The following MFSD6 variants were observed in gnomAD, a reference collection of about 807,000 sequenced individuals.
MFSD6 encodes major facilitator superfamily domain containing 6, also known as major facilitator superfamily domain-containing protein 6.
A neutral mutation model predicts 56.3 loss-of-function variants in MFSD6; 26 were observed. The ratio of observed to expected loss-of-function variants is 0.46; its 90% CI spans 0.34 to 0.64. The LOEUF (loss-of-function observed/expected upper bound fraction) is 0.64, where lower values mean the gene tolerates loss of function less well. Ranked by LOEUF, MFSD6 falls within the 30% of genes least tolerant of loss-of-function variation. The pLI, the probability that MFSD6 is intolerant of heterozygous loss-of-function variation, is 0.01. For synonymous variants in MFSD6, 331 were observed against 366.9 expected (o/e 0.90, Z 1.12); for missense variants, 750 against 986.2 (o/e 0.76, Z 3.21).
At chr2:190,446,029 G>A (rs979438131) in intron 3 of MFSD6, among the ~76,000 whole-genome samples, 3 of 151,942 alleles carry the variant, frequency 2.0e-5, no homozygotes, top group Admixed American at 6.6e-5. Context: ...TCAATCAAAG[G>A]GCATGAATTT....
rs958651914 is a variant in MFSD6, at chr2:190,499,446, G to T, written c.2173-569G>T. On this transcript the variant is annotated intron_variant, in intron 7 of 7. Coordinates refer to ENST00000392328, the MANE Select transcript of MFSD6 (RefSeq NM_017694.4). The surrounding 1 kb of genome is among the most constrained non-coding windows in gnomAD (Gnocchi z 6.0). ...TGGTTATTTACAGTTGGTTACACAA[G>T]TGCTTGTTTACATTCACTTCTTTAT... is the stretch of plus-strand genomic sequence containing the variant. 1.3e-5 allele frequency among the ~76,000 whole-genome samples: 2 copies of T among 152,184 alleles called. No homozygotes were observed. Among genetic ancestry groups the T allele is most frequent in the Non-Finnish European group, 2.9e-5 (2 of 68,036 alleles).
At chr2:190,442,050 A>G (rs1686399045) in intron 3 of MFSD6, among the ~76,000 whole-genome samples, 1 of 152,212 alleles carries the variant, frequency 6.6e-6, no homozygotes, top group African/African-American at 2.4e-5. Flanking sequence ...ATTGATTAAA[A>G]AGCAAAAAGA....
In MFSD6 at chr2:190,416,726, G is replaced by C. The variant is rs1690790187; in HGVS notation, c.-54+1313G>C. ...CAGCAACACCAAATGTTCATATGTT[G>C]CTTTTAGATTAACAGAATGCTTTCT... On this transcript the variant is annotated intron_variant, in intron 2 of 7. Transcript: ENST00000392328. The surrounding 1 kb of genome is among the most constrained non-coding windows in gnomAD (Gnocchi z 4.1). Among the ~76,000 whole-genome samples, 1 of 152,146 alleles carries C rather than the reference G, an allele frequency of 6.6e-6. No homozygotes were observed.
rs560825299 is a variant in MFSD6, at chr2:190,418,541, A to G, written c.-54+3128A>G. ...GAGGCTGAGGCAAATGGATCACTTG[A>G]GCCCAGGAGTTCAAGACCAGCCTGG... On this transcript the variant is annotated intron_variant, in intron 2 of 7. Transcript: ENST00000392328. This position sits in a 1 kb window ranked among gnomAD's most constrained non-coding sequence, Gnocchi z 4.1. 2.0e-5 allele frequency among the ~76,000 whole-genome samples: 3 copies of G among 152,252 alleles called. No individual in the cohort carries two copies. The highest frequency in any genetic ancestry group is 7.2e-5 in the African/African-American group (3 of 41,542).
Position 190,488,633 on chromosome 2 carries a change from C to G in MFSD6, c.1631-24C>G. The G allele has an allele frequency of 7.0e-7, 1 of 1,423,448 alleles. No homozygotes were observed. The highest frequency in any genetic ancestry group is 9.3e-7 in the Non-Finnish European group (1 of 1,079,568). 88.2% of individuals were successfully genotyped at this position (1,423,448 alleles called of 1,614,324 possible). On this transcript the variant is annotated intron_variant, in intron 4 of 7. Transcript: ENST00000392328. This position sits in a 1 kb window ranked among gnomAD's most constrained non-coding sequence, Gnocchi z 6.4. Reference sequence around the variant, plus strand: ...CCTAAGAAATGCTAACCAACTAATCCCTCCTGCTCTTCTTCCTCTCCAGGA... The same window carrying G: ...CCTAAGAAATGCTAACCAACTAATCGCTCCTGCTCTTCTTCCTCTCCAGGA...
In MFSD6 at chr2:190,500,176, G is replaced by C. The variant is rs555460615; in HGVS notation, c.2334G>C (p.Glu778Asp). 4.3e-6 allele frequency: 7 copies of C among 1,614,138 alleles called. No homozygotes were observed. In the South Asian group the frequency reaches 5.5e-5, roughly 13 times the overall value. ...CCAGTGTGGACCCGTGCACAGAGGA[G>C]AGTGAAGAGCAGCAGGCTCAGCTGG... ...AHPSVDPCTEESEEQQAQLAA... is the reference protein window; with the variant it reads ...AHPSVDPCTEDSEEQQAQLAA... The change falls in exon 8 of 8, where the codon GAG (glutamate) becomes GAC (aspartate). Residue 778 changes from glutamate to aspartate, a missense_variant. Around this residue, in one of 5 missense-constraint regions of MFSD6, gnomAD observed 172 missense variants for 203.9 expected, o/e 0.84. Transcript: ENST00000392328. The surrounding 1 kb of genome is among the most constrained non-coding windows in gnomAD (Gnocchi z 5.3).
In MFSD6 at chr2:190,408,632, C is replaced by T. The variant is rs545988338; in HGVS notation, c.-176+129C>T. On this transcript the variant is annotated intron_variant, in intron 1 of 7. Coordinates refer to ENST00000392328, the MANE Select transcript of MFSD6 (RefSeq NM_017694.4). ...ACACCTGCTGCCGGGAAAGGGGCTT[C>T]GGGGCCGGGGCTCGGAGCCCAGCGT... 1,418 of 152,306 alleles carry T rather than the reference C, an allele frequency of 9.3e-3. 32 individuals are homozygous for T. Among genetic ancestry groups the T allele is most frequent in the African/African-American group, 0.032 (1,334 of 41,518 alleles). The allele number at this position is 152,306 out of a possible 1,614,324, so 9.4% of individuals were successfully genotyped here.
chr2:190,436,985 AAC>A lies in MFSD6; in HGVS notation c.960_961del (p.His320GlnfsTer41). Reference sequence around the variant, plus strand: ...ACGGTCACACTCCAGTATCTGGGAAAACACAGAGATCGCTATGGGTTGCAGCG... The same window carrying A: ...ACGGTCACACTCCAGTATCTGGGAAAACAGAGATCGCTATGGGTTGCAGCG... On this transcript the variant is annotated frameshift_variant, in exon 3 of 8. Coordinates refer to ENST00000392328, the MANE Select transcript of MFSD6 (RefSeq NM_017694.4). LOFTEE classifies it high-confidence loss of function. The surrounding 1 kb of genome is among the most constrained non-coding windows in gnomAD (Gnocchi z 5.3). 6.2e-7 allele frequency: 1 copy of A among 1,614,232 alleles called. No homozygotes were observed. The highest frequency in any genetic ancestry group is 8.5e-7 in the Non-Finnish European group (1 of 1,180,046).
rs569796663 is a variant in MFSD6 at position 190,497,259 on chromosome 2, A to G, written c.1892-180A>G. Among the ~76,000 whole-genome samples the G allele has an allele frequency of 1.2e-4, 18 of 152,168 alleles. No homozygotes were observed. The highest frequency in any genetic ancestry group is 2.1e-4 in the Non-Finnish European group (14 of 68,030). On this transcript the variant is annotated intron_variant, in intron 6 of 7. Transcript: ENST00000392328. The surrounding 1 kb of genome is among the most constrained non-coding windows in gnomAD (Gnocchi z 5.2). ...ATAAAGAGACCCAAAGATAAACATC[A>G]TGTTCATTGATTCAGTACTTACACC...
At chr2:190,444,149 T>A (rs1178657001) in intron 3 of MFSD6, among the ~76,000 whole-genome samples, 1 of 152,226 alleles carries the variant, frequency 6.6e-6, no homozygotes, top group Non-Finnish European at 1.5e-5. Context: ...AGGATATGTG[T>A]AAAAAAACTG....
chr2:190,412,000 T>C (rs760039211), intron 1 of MFSD6: 67 of 985,098 alleles, frequency 6.8e-5, no homozygotes, highest in Non-Finnish European at 7.7e-5. Context: ...TGTCATCTCA[T>C]GAAATTATGG....
At chr2:190,472,992 T>C (rs1688041610) in intron 4 of MFSD6, among the ~76,000 whole-genome samples, 1 of 152,076 alleles carries the variant, frequency 6.6e-6, no homozygotes, top group African/African-American at 2.4e-5. Context: ...AACTAAGCTT[T>C]ATAAGTGAAG....
intron 2 of MFSD6, among the ~76,000 whole-genome samples, chr2:190,429,853 T>A (rs1685906387): frequency 6.6e-6 from 1 of 152,198 alleles, no homozygotes; most frequent in South Asian, 2.1e-4. Context: ...GTTCTTTTTT[T>A]TTCTTTATTA....
intron 4 of MFSD6, among the ~76,000 whole-genome samples, chr2:190,473,274 T>G (rs537938575): frequency 6.6e-6 from 1 of 152,294 alleles, no homozygotes; most frequent in South Asian, 2.1e-4. Flanking sequence ...ATGCTCCAAT[T>G]AAAAGACACA....
chr2:190,408,321 C>CCCTCG (rs532677765), upstream of MFSD6: 55 of 152,118 alleles, frequency 3.6e-4, no homozygotes, highest in African/African-American at 1.0e-3. Context: ...CGGTCCGCAT[C>CCCTCG]CCTCGCCTCG....
chr2:190,465,823 T>A lies in MFSD6; in HGVS notation c.1533-3935T>A, dbSNP rs959461098. ...GCCTGGCCAACATAGTGAAACCCCATCTCTACTAAAAATACAAAAATTAGC... is the reference window on the plus strand; with the variant it reads ...GCCTGGCCAACATAGTGAAACCCCAACTCTACTAAAAATACAAAAATTAGC... On this transcript the variant is annotated intron_variant, in intron 3 of 7. Coordinates refer to ENST00000392328, the MANE Select transcript of MFSD6 (RefSeq NM_017694.4). The surrounding 1 kb of genome is among the most constrained non-coding windows in gnomAD (Gnocchi z 4.6). 6.6e-6 allele frequency among the ~76,000 whole-genome samples: 1 copy of A among 152,142 alleles called. No individual in the cohort carries two copies. Among genetic ancestry groups the A allele is most frequent in the Non-Finnish European group, 1.5e-5 (1 of 68,034 alleles).
rs1246665765 is a variant in MFSD6, at chr2:190,436,025, AAG to A, written c.-4_-3del. ...TTGTAAACTTGCTGATGGTGGTGGT[AAG>A]CCATGGCAGATGATAAAGTTGCTAT... On this transcript the variant is annotated 5_prime_UTR_variant, in exon 3 of 8. Coordinates refer to ENST00000392328, the MANE Select transcript of MFSD6 (RefSeq NM_017694.4). The surrounding 1 kb of genome is among the most constrained non-coding windows in gnomAD (Gnocchi z 5.3). The A allele has an allele frequency of 6.3e-7, 1 of 1,599,874 alleles. No individual in the cohort carries two copies. The highest frequency in any genetic ancestry group is 1.3e-5 in the African/African-American group (1 of 74,402).
chr2:190,420,923 A>ATACTG (rs1241259999), intron 2 of MFSD6, among the ~76,000 whole-genome samples: 2 of 152,188 alleles, frequency 1.3e-5, no homozygotes, highest in African/African-American at 4.8e-5. Context: ...TATATATGGG[A>ATACTG]TACTGAATGT....
At chr2:190,428,504 C>T (rs1685853871) in intron 2 of MFSD6, among the ~76,000 whole-genome samples, 1 of 151,980 alleles carries the variant, frequency 6.6e-6, no homozygotes, top group African/African-American at 2.4e-5. Context: ...TGCTTGGGAC[C>T]AGGAGTATTT....
Sources: allele counts gnomAD v4.1 joint callset (sites outside exome capture counted in the v4.1 genomes callset), GRCh38; gene constraint gnomAD v4.1.1; regional missense constraint gnomAD v4.1.1; non-coding constraint Gnocchi (gnomAD v3.1); transcripts MANE v1.5; gene names NCBI Gene and HGNC (gene_info 2026-07-23, HGNC 2026-07-21).